The following NEK11 variants were observed in gnomAD, a reference collection of about 807,000 sequenced individuals.
NEK11 encodes NIMA related kinase 11.
NEK11 carries 72 observed loss-of-function variants against 80.7 expected under a neutral mutation model. The observed-to-expected ratio is 0.89, with a 90% confidence interval of 0.74 to 1.08. The LOEUF (loss-of-function observed/expected upper bound fraction) is 1.08, where lower values mean the gene tolerates loss of function less well. NEK11 is among the 50% of genes least tolerant of loss of function. NEK11 has a pLI of 0.00. For missense variants in NEK11, 764 were observed against 763.6 expected (o/e 1.00, Z -0.01); for synonymous variants, 251 against 260.7 (o/e 0.96, Z 0.36).
chr3:131,335,436 C>T (rs535910850), intron 17 of NEK11, among the ~76,000 whole-genome samples: 1 of 151,706 alleles, frequency 6.6e-6, no homozygotes, highest in African/African-American at 2.4e-5. Context: ...GCTAAAAACT[C>T]TCAATAAATT....
intron 17 of NEK11, among the ~76,000 whole-genome samples, chr3:131,303,744 C>T (rs551738608): frequency 5.3e-5 from 8 of 152,180 alleles, no homozygotes; most frequent in African/African-American, 1.7e-4. Context: ...GGGTTCCCTT[C>T]GTAGGTGACC....
intron 3 of NEK11, among the ~76,000 whole-genome samples, chr3:131,070,204 T>A (rs533525780): frequency 2.0e-5 from 3 of 152,324 alleles, no homozygotes; most frequent in African/African-American, 7.2e-5. Flanking sequence ...CAAAGCGTAA[T>A]GGAGTGAATG....
chr3:131,231,788 C>G (rs985665146), intron 15 of NEK11, among the ~76,000 whole-genome samples: 1 of 151,946 alleles, frequency 6.6e-6, no homozygotes, highest in South Asian at 2.1e-4. Context: ...AGATTGGCCT[C>G]TTCTCCCCTT....
At chr3:131,224,734 G>A (rs1053026478) in intron 14 of NEK11, among the ~76,000 whole-genome samples, 1 of 152,136 alleles carries the variant, frequency 6.6e-6, no homozygotes, top group Non-Finnish European at 1.5e-5. Context: ...TGGTATCAGT[G>A]ATCCTGACGC....
In NEK11 at chr3:131,114,503, G is replaced by A. The variant is rs574171948; in HGVS notation, c.455+4582G>A. ...CTTCATTCCAGTACCCAAACTGAAG[G>A]AGCAGCCCTATCCAGGACAGGCTTT... On this transcript the variant is annotated intron_variant, in intron 5 of 17. Transcript: ENST00000383366. 7.2e-5 allele frequency among the ~76,000 whole-genome samples: 11 copies of A among 152,282 alleles called. No homozygotes were observed. The South Asian group carries it at 1.9e-3, about 26-fold the overall frequency.
chr3:131,029,957 A>T (rs1318441523), intron 3 of NEK11, 79 bp downstream of exon 3: 1 of 1,380,842 alleles, frequency 7.2e-7, no homozygotes, highest in African/African-American at 1.4e-5. Flanking sequence ...AACATGGAGC[A>T]GGCCAGGTAT....
intron 16 of NEK11, among the ~76,000 whole-genome samples, chr3:131,244,300 C>T (rs2095563911): frequency 6.6e-6 from 1 of 152,060 alleles, no homozygotes; most frequent in Non-Finnish European, 1.5e-5. Context: ...TATGGGAAAC[C>T]TCAGTCATAA....
intron 14 of NEK11, among the ~76,000 whole-genome samples, chr3:131,207,222 G>C (rs2094466920): frequency 1.3e-5 from 2 of 152,182 alleles, no homozygotes; most frequent in Non-Finnish European, 2.9e-5. Context: ...TCTAGTTCTA[G>C]ATCCTTGAGG....
chr3:131,150,388 T>C (rs2089412490), intron 7 of NEK11, among the ~76,000 whole-genome samples: 1 of 152,002 alleles, frequency 6.6e-6, no homozygotes, highest in Non-Finnish European at 1.5e-5. Context: ...TTTTTAATTC[T>C]GTCAGTTCTT....
intron 17 of NEK11, among the ~76,000 whole-genome samples, chr3:131,347,240 G>T (rs1481070493): frequency 3.3e-5 from 5 of 152,200 alleles, no homozygotes; most frequent in Non-Finnish European, 7.4e-5. Context: ...CTAACTGTGT[G>T]AGCTTGTGAA....
At chr3:131,232,683 C>T (rs1448197700) in intron 15 of NEK11, among the ~76,000 whole-genome samples, 1 of 152,176 alleles carries the variant, frequency 6.6e-6, no homozygotes, top group Non-Finnish European at 1.5e-5. Context: ...GGGCAGAGAA[C>T]TGGATATGCG....
At chr3:131,280,245 T>C (rs2096374147) in intron 17 of NEK11, among the ~76,000 whole-genome samples, 1 of 152,212 alleles carries the variant, frequency 6.6e-6, no homozygotes, top group South Asian at 2.1e-4. Context: ...GCATTGCCAA[T>C]TCATGCAGTG....
chr3:131,255,212 A>T (rs1243156620), intron 16 of NEK11, among the ~76,000 whole-genome samples: 1 of 152,174 alleles, frequency 6.6e-6, no homozygotes, highest in Non-Finnish European at 1.5e-5. Flanking sequence ...TTACTAAGAT[A>T]TGGAGACAGA....
intron 4 of NEK11, among the ~76,000 whole-genome samples, chr3:131,089,365 A>G (rs1159390234): frequency 6.6e-6 from 1 of 152,104 alleles, no homozygotes; most frequent in African/African-American, 2.4e-5. Flanking sequence ...TATTTAATGG[A>G]GATATGGTAG....
chr3:131,271,293 G>T (rs1243543048), intron 16 of NEK11, among the ~76,000 whole-genome samples: 1 of 152,162 alleles, frequency 6.6e-6, no homozygotes, highest in African/African-American at 2.4e-5. Flanking sequence ...CCCTTTACAA[G>T]GTTTGTCCCT....
rs563981414 is a variant in NEK11 at position 131,171,829 on chromosome 3, CT to C, written c.1399+943del. Among the ~76,000 whole-genome samples the C allele has an allele frequency of 7.6e-4, 116 of 152,250 alleles. 1 individual carries two copies. The highest frequency in any genetic ancestry group is 6.8e-3 in the Middle Eastern group (2 of 294). ...CCTAGAGCAAATTTCCAGGAACATG[CT>C]AAGCACTCAATAAATATTTCTTGAG... is the stretch of plus-strand genomic sequence containing the variant. On this transcript the variant is annotated intron_variant, in intron 14 of 17. Transcript: ENST00000383366.
intron 7 of NEK11, among the ~76,000 whole-genome samples, chr3:131,142,491 C>A (rs1349144561): frequency 6.6e-6 from 1 of 151,420 alleles, no homozygotes; most frequent in Non-Finnish European, 1.5e-5. Flanking sequence ...CACAGCCATT[C>A]AGTCAAAATG....
intron 14 of NEK11, among the ~76,000 whole-genome samples, chr3:131,225,170 T>G (rs1396810282): frequency 2.6e-5 from 4 of 152,178 alleles, no homozygotes; most frequent in African/African-American, 4.8e-5. Context: ...TTAAAAAATC[T>G]TTTATACTGT....
intron 14 of NEK11, among the ~76,000 whole-genome samples, chr3:131,226,302 G>A (rs1180856175): frequency 1.3e-5 from 2 of 152,078 alleles, no homozygotes; most frequent in Admixed American, 6.6e-5. Flanking sequence ...TTCTCTTGTC[G>A]TTCTCAGTGT....
Sources: gnomAD v4.1 joint callset for allele counts (sites outside exome capture counted in the v4.1 genomes callset) on GRCh38, gnomAD v4.1.1 for gene constraint, MANE v1.5 for transcripts, NCBI Gene and HGNC (gene_info 2026-07-23, HGNC 2026-07-21) for gene names.